POLR1D: variants seen among roughly 807,000 people sequenced by gnomAD.
POLR1D encodes the protein RNA polymerase I and III subunit D.
In POLR1D, 8 loss-of-function variants were observed where a neutral mutation model predicts 10.8. The ratio of observed to expected loss-of-function variants is 0.74; its 90% CI spans 0.43 to 1.33. The LOEUF (loss-of-function observed/expected upper bound fraction) is 1.33. POLR1D is among the 40% of genes most tolerant of loss of function. The pLI, the probability that POLR1D is intolerant of heterozygous loss-of-function variation, is 0.01. For missense variants in POLR1D, 152 were observed against 161.7 expected (o/e 0.94, Z 0.32); for synonymous variants, 54 against 57.2 (o/e 0.94, Z 0.25).
At chr13:27,650,355 T>C (rs922647996) in intron 2 of POLR1D, 19 of 298,298 alleles carry the variant, frequency 6.4e-5, no homozygotes, top group Middle Eastern at 8.8e-4. Flanking sequence ...TTATTGAGGT[T>C]TCATTACATA....
downstream of POLR1D, among the ~76,000 whole-genome samples, chr13:27,625,864 C>T (rs538277434): frequency 1.8e-4 from 27 of 152,174 alleles, no homozygotes; most frequent in South Asian, 4.6e-3. Flanking sequence ...CTGGAGTTAA[C>T]GTGGAGGTCA....
At chr13:27,637,543 G>C (rs1023181424) in intron 1 of POLR1D, among the ~76,000 whole-genome samples, 1 of 152,152 alleles carries the variant, frequency 6.6e-6, no homozygotes, top group Non-Finnish European at 1.5e-5. Context: ...AAGGGATGCT[G>C]CTCTCAAAGT....
intron 2 of POLR1D, chr13:27,650,527 C>G (rs573269271): frequency 6.5e-6 from 1 of 154,886 alleles, no homozygotes; most frequent in South Asian, 2.1e-4. Flanking sequence ...GTGACCAGCT[C>G]CACCCTAAAC....
At chr13:27,656,162 C>T (rs985937491) in intron 2 of POLR1D, among the ~76,000 whole-genome samples, 25 of 152,208 alleles carry the variant, frequency 1.6e-4, no homozygotes, top group African/African-American at 5.5e-4. Flanking sequence ...CAGATTCAAC[C>T]ATGTCATAAT....
chr13:27,624,846 C>G (rs544711924), downstream of POLR1D, among the ~76,000 whole-genome samples: 15 of 152,136 alleles, frequency 9.9e-5, no homozygotes, highest in Non-Finnish European at 2.1e-4. Flanking sequence ...CATGATCACA[C>G]CATTGCACTC....
intron 1 of POLR1D, among the ~76,000 whole-genome samples, chr13:27,636,110 C>T (rs1036789739): frequency 6.6e-6 from 1 of 152,172 alleles, no homozygotes; most frequent in Admixed American, 6.5e-5. Flanking sequence ...ATCATAGACA[C>T]ATCACATAGC....
intron 2 of POLR1D, among the ~76,000 whole-genome samples, chr13:27,661,643 C>G (rs901946581): frequency 2.0e-5 from 3 of 152,184 alleles, no homozygotes; most frequent in African/African-American, 7.2e-5. Context: ...GGTGGAGTGT[C>G]TAATGCCAGT....
At chr13:27,642,864 C>T (rs1408559049) in intron 1 of POLR1D, among the ~76,000 whole-genome samples, 1 of 152,042 alleles carries the variant, frequency 6.6e-6, no homozygotes, top group Non-Finnish European at 1.5e-5. Flanking sequence ...CTTATTTTTC[C>T]ACCACTGCTT....
At chr13:27,660,649 G>A (rs1032224984) in intron 2 of POLR1D, 1 of 152,302 alleles carries the variant, frequency 6.6e-6, no homozygotes, top group South Asian at 2.1e-4. Context: ...TGTCCTGGAT[G>A]AGGAGCCTTA....
At chr13:27,631,853 G>T (rs1267183040) in intron 1 of POLR1D, among the ~76,000 whole-genome samples, 1 of 152,172 alleles carries the variant, frequency 6.6e-6, no homozygotes, top group Non-Finnish European at 1.5e-5. Flanking sequence ...AAGGACTGAT[G>T]ATTTATAATG....
intron 2 of POLR1D, among the ~76,000 whole-genome samples, chr13:27,655,517 T>A: frequency 6.6e-6 from 1 of 152,086 alleles, no homozygotes; most frequent in African/African-American, 2.4e-5. Flanking sequence ...ATTTGCCTTA[T>A]TATGTTTTCT....
At chr13:27,664,457 T>C (rs1204146332) in intron 2 of POLR1D, among the ~76,000 whole-genome samples, 1 of 152,246 alleles carries the variant, frequency 6.6e-6, no homozygotes, top group African/African-American at 2.4e-5. Flanking sequence ...TTTTCTAAGT[T>C]TCTCCTTGTT....
intron 1 of POLR1D, among the ~76,000 whole-genome samples, chr13:27,632,192 T>C (rs551827370): frequency 1.8e-4 from 27 of 152,320 alleles, no homozygotes; most frequent in African/African-American, 5.1e-4. Context: ...TTGAAGTTGA[T>C]TGATGGATAT....
At chr13:27,645,298 A>G (rs1178671078) in intron 1 of POLR1D, among the ~76,000 whole-genome samples, 1 of 152,112 alleles carries the variant, frequency 6.6e-6, no homozygotes, top group Non-Finnish European at 1.5e-5. Flanking sequence ...TTTTAATGAT[A>G]AACAATTTCT....
intron 2 of POLR1D, among the ~76,000 whole-genome samples, chr13:27,653,075 T>C (rs1227213514): frequency 6.6e-6 from 1 of 151,012 alleles, no homozygotes; most frequent in Non-Finnish European, 1.5e-5. Context: ...ATGTTTGTAT[T>C]TTTTTTTAGT....
chr13:27,646,010 A>G (rs1347218528), intron 1 of POLR1D, among the ~76,000 whole-genome samples: 1 of 152,230 alleles, frequency 6.6e-6, no homozygotes, highest in African/African-American at 2.4e-5. Context: ...ATAGCATTTC[A>G]GCTGGATTCT....
At chr13:27,657,769 T>C (rs1330828874) in intron 2 of POLR1D, among the ~76,000 whole-genome samples, 5 of 152,258 alleles carry the variant, frequency 3.3e-5, no homozygotes, top group African/African-American at 1.2e-4. Context: ...CATTTTTCTC[T>C]ATCTCTCTCA....
At chr13:27,630,203 A>G (rs1434477802) in intron 1 of POLR1D, among the ~76,000 whole-genome samples, 2 of 151,950 alleles carry the variant, frequency 1.3e-5, no homozygotes, top group Non-Finnish European at 1.5e-5. Flanking sequence ...GATTTTTTTT[A>G]TCTAGTACTG....
upstream of POLR1D, chr13:27,620,791 C>T (rs1955897624): frequency 6.5e-6 from 1 of 153,786 alleles, no homozygotes; most frequent in Admixed American, 6.5e-5. Flanking sequence ...GCTGTCCCCG[C>T]CGCCCGCCTG....
Sources: gnomAD v4.1 joint callset for allele counts (sites outside exome capture counted in the v4.1 genomes callset) on GRCh38, gnomAD v4.1.1 for gene constraint, MANE v1.5 for transcripts, NCBI Gene and HGNC (gene_info 2026-07-23, HGNC 2026-07-21) for gene names.